The following RPTOR variants were observed in gnomAD, a reference collection of about 807,000 sequenced individuals.
RPTOR encodes the protein regulatory-associated protein of mTOR.
In RPTOR, 21 loss-of-function variants were observed where a neutral mutation model predicts 169.9. The ratio of observed to expected loss-of-function variants is 0.12; its 90% CI spans 0.09 to 0.18. The LOEUF is 0.18. Ranked by LOEUF, RPTOR falls within the 10% of genes least tolerant of loss-of-function variation. RPTOR has a pLI of 1.00. For missense variants in RPTOR, 1,133 were observed against 1,855.9 expected, an observed-to-expected ratio of 0.61 and a Z score of 7.16; for synonymous variants, 732 against 753.2, an observed-to-expected ratio of 0.97 and a Z score of 0.46.
intron 1 of RPTOR, among the ~76,000 whole-genome samples, chr17:80,595,179 T>G (rs2065136165): frequency 6.6e-6 from 1 of 152,182 alleles, no homozygotes; most frequent in African/African-American, 2.4e-5. Context: ...GGGTTGACCT[T>G]ATTAAGTGGG....
chr17:80,791,911 C>G (rs1338947622), intron 7 of RPTOR, among the ~76,000 whole-genome samples: 1 of 152,124 alleles, frequency 6.6e-6, no homozygotes, highest in Admixed American at 6.5e-5. Context: ...ATCCCCTCCC[C>G]CCCTGTCGCC....
intron 23 of RPTOR, 59 bp from the exon 24 acceptor site, chr17:80,925,311 A>G: frequency 7.0e-7 from 1 of 1,438,024 alleles, no homozygotes; most frequent in Non-Finnish European, 9.7e-7. Context: ...TGAGCTCAGG[A>G]GTGGCATGAC....
chr17:80,634,120 G>C (rs1310415502), intron 2 of RPTOR, among the ~76,000 whole-genome samples: 7 of 65,756 alleles, frequency 1.1e-4, no homozygotes, highest in Non-Finnish European at 2.3e-4. Context: ...TGTGCATACT[G>C]TGTGTGTGTG....
At chr17:80,727,323 C>T (rs889355927) in intron 4 of RPTOR, among the ~76,000 whole-genome samples, 3 of 151,566 alleles carry the variant, frequency 2.0e-5, no homozygotes, top group Non-Finnish European at 2.9e-5. Flanking sequence ...AGAACGTGGA[C>T]GCTGCACCTC....
At chr17:80,870,880 T>G (rs1374256871) in intron 13 of RPTOR, among the ~76,000 whole-genome samples, 1 of 152,262 alleles carries the variant, frequency 6.6e-6, no homozygotes, top group Admixed American at 6.5e-5. Context: ...CAACAGTCAA[T>G]GAACTTATGT....
chr17:80,930,246 TCAGCTCATCCC>T (rs2068866017), intron 24 of RPTOR, among the ~76,000 whole-genome samples: 2 of 126,748 alleles, frequency 1.6e-5, no homozygotes, highest in Admixed American at 8.1e-5. Context: ...CATCCTCAGC[TCAGCTCATCCC>T]CAGCTCATCC....
rs144007326 is a variant in RPTOR at position 80,910,755 on chromosome 17, G to A, written c.2520+1826G>A. Among the ~76,000 whole-genome samples, 6 of 151,946 alleles carry A rather than the reference G, an allele frequency of 3.9e-5. No individual in the cohort carries two copies. In the East Asian group the frequency reaches 1.2e-3, roughly 29 times the overall value. On this transcript the variant is annotated intron_variant, in intron 21 of 33. Transcript: ENST00000306801. ...TGATATTATACTTCTGTGGCTTTCG[G>A]TTCCTTCAACTAAGTTATTTTCTGT...
In RPTOR at chr17:80,860,432, G is replaced by A. The variant is rs1038136631; in HGVS notation, c.1509+2532G>A. On this transcript the variant is annotated intron_variant, in intron 13 of 33. Coordinates refer to ENST00000306801, the MANE Select transcript of RPTOR (RefSeq NM_020761.3). This position sits in a 1 kb window ranked among gnomAD's most constrained non-coding sequence, Gnocchi z 5.8. ...CACAGCCGCTGCTGATTCAAGTCCA[G>A]CCCAGGCCATCAGGTCCCCAACTGT... 2.0e-5 allele frequency among the ~76,000 whole-genome samples: 3 copies of A among 152,086 alleles called. No individual in the cohort carries two copies. The highest frequency in any genetic ancestry group is 6.5e-5 in the Admixed American group (1 of 15,278).
chr17:80,680,511 T>C (rs2143704425), intron 3 of RPTOR, among the ~76,000 whole-genome samples: 1 of 152,248 alleles, frequency 6.6e-6, no homozygotes, highest in Non-Finnish European at 1.5e-5. Flanking sequence ...CAGGTGCCTG[T>C]AATTCCAGCT....
chr17:80,949,330 C>A, intron 27 of RPTOR, 113 bp from the exon 28 acceptor site: 1 of 897,334 alleles, frequency 1.1e-6, no homozygotes, highest in South Asian at 1.4e-5. Context: ...TCAGGCTGGC[C>A]GCCCAGGGTC....
chr17:80,638,411 C>CTTT lies in RPTOR; in HGVS notation c.266-5301_266-5299dup, dbSNP rs11399351. ...AAATGCTGTTTTCTTTTCTTCCTTT[C>CTTT]TTTTTTTTTTTTTTTTTTGAGACGG... On this transcript the variant is annotated intron_variant, in intron 2 of 33. Transcript: ENST00000306801. Among the ~76,000 whole-genome samples, 832 of 126,272 alleles carry CTTT rather than the reference C, an allele frequency of 6.6e-3. 26 individuals are homozygous for CTTT. Among genetic ancestry groups the CTTT allele is most frequent in the Non-Finnish European group, 7.6e-3 (467 of 61,568 alleles). 82.8% of individuals were successfully genotyped at this position (126,272 alleles called of 152,430 possible). A position where few individuals can be genotyped will look rare whatever the true frequency, so the allele number is the denominator to read the frequency against.
chr17:80,731,205 A>T (rs1021989238), intron 5 of RPTOR, among the ~76,000 whole-genome samples: 2 of 152,124 alleles, frequency 1.3e-5, no homozygotes, highest in Non-Finnish European at 2.9e-5. Context: ...TTATTTTTAC[A>T]TCTCATTTTA....
At chr17:80,938,474 T>C (rs1217425987) in intron 24 of RPTOR, among the ~76,000 whole-genome samples, 2 of 152,204 alleles carry the variant, frequency 1.3e-5, no homozygotes, top group Non-Finnish European at 2.9e-5. Context: ...CCACCGCGGG[T>C]TTTTTCTTAT....
intron 11 of RPTOR, among the ~76,000 whole-genome samples, chr17:80,848,975 G>A (rs746252991): frequency 2.6e-5 from 4 of 152,176 alleles, no homozygotes; most frequent in Non-Finnish European, 5.9e-5. Flanking sequence ...TGAGTGGCAG[G>A]TTCCTCCTCC....
At chr17:80,666,850 G>A (rs1254451880) in intron 3 of RPTOR, among the ~76,000 whole-genome samples, 1 of 152,126 alleles carries the variant, frequency 6.6e-6, no homozygotes, top group African/African-American at 2.4e-5. Flanking sequence ...GAAGGGTGAT[G>A]GCGAGTTCTC....
chr17:80,876,622 G>A (rs1215810346), intron 13 of RPTOR, among the ~76,000 whole-genome samples: 2 of 133,712 alleles, frequency 1.5e-5, no homozygotes, highest in African/African-American at 6.1e-5. Context: ...GGATGTGTGT[G>A]TCGCCTGCTG....
intron 5 of RPTOR, chr17:80,743,356 G>A: frequency 1.0e-6 from 1 of 985,474 alleles, no homozygotes; most frequent in Non-Finnish European, 1.2e-6. Flanking sequence ...GAAGCCACAA[G>A]GACCGAGGGA....
intron 4 of RPTOR, among the ~76,000 whole-genome samples, chr17:80,712,198 A>AACT (rs2066199976): frequency 6.6e-6 from 1 of 152,026 alleles, no homozygotes; most frequent in Admixed American, 6.5e-5. Context: ...ACAATTGGTA[A>AACT]ACTGATAATG....
intron 7 of RPTOR, among the ~76,000 whole-genome samples, chr17:80,796,432 G>GTC (rs1567916056): frequency 6.6e-6 from 1 of 152,208 alleles, no homozygotes; most frequent in African/African-American, 2.4e-5. Flanking sequence ...AGTCATGGCA[G>GTC]AAAGGGAAGG....
Sources: gnomAD v4.1 joint callset for allele counts (sites outside exome capture counted in the v4.1 genomes callset) on GRCh38, gnomAD v4.1.1 for gene constraint, Gnocchi (gnomAD v3.1) non-coding constraint, MANE v1.5 for transcripts, NCBI Gene and HGNC (gene_info 2026-07-23, HGNC 2026-07-21) for gene names.